Variants in EYS observed in about 807,000 individuals in gnomAD.
The protein encoded by EYS is EGF-like photoreceptor maintenance factor.
Under a neutral mutation model 282.1 loss-of-function variants are expected in EYS, and 250 were observed. The observed-to-expected ratio is 0.89, with a 90% confidence interval of 0.80 to 0.98. The LOEUF (loss-of-function observed/expected upper bound fraction) is 0.98. Ranked by LOEUF, EYS falls within the 50% of genes least tolerant of loss-of-function variation. The pLI is 0.00. For synonymous variants in EYS, 1,355 were observed against 1,282.9 expected (o/e 1.06, Z -1.20); for missense variants, 4,016 against 3,709.0 (o/e 1.08, Z -2.15).
At chr6:65,655,967 G>A (rs781716759) in intron 1 of EYS, among the ~76,000 whole-genome samples, 28 of 151,788 alleles carry the variant, frequency 1.8e-4, no homozygotes, top group Non-Finnish European at 3.2e-4. Context: ...TGCTCACTTC[G>A]TGTCTCTGCG....
chr6:65,298,859 G>A (rs1768737143), intron 11 of EYS, among the ~76,000 whole-genome samples: 1 of 149,688 alleles, frequency 6.7e-6, no homozygotes, highest in African/African-American at 2.5e-5. Flanking sequence ...GTTTTCAAAG[G>A]TTGCAAATAT....
In EYS at chr6:65,161,219, C is replaced by A. The variant is rs143110889; in HGVS notation, c.2024-103492G>T. On this transcript the variant is annotated intron_variant, in intron 12 of 42. Coordinates refer to ENST00000503581, the MANE Select transcript of EYS (RefSeq NM_001142800.2). ...TAATCTGTCTAAAGATATTGTTTTA[C>A]TGTCTAAATGTTTCCTGATCCATTT... 3.3e-5 allele frequency among the ~76,000 whole-genome samples: 5 copies of A among 151,104 alleles called. No homozygotes were observed. The East Asian group carries it at 9.8e-4, about 30-fold the overall frequency.
At chr6:63,812,301 T>TC (rs1288364677) in intron 36 of EYS, among the ~76,000 whole-genome samples, 1 of 152,162 alleles carries the variant, frequency 6.6e-6, no homozygotes, top group African/African-American at 2.4e-5. Context: ...AACCACATTT[T>TC]CCCCAAAAGC....
At chr6:65,120,332 C>G (rs1232247049) in intron 12 of EYS, among the ~76,000 whole-genome samples, 3 of 151,224 alleles carry the variant, frequency 2.0e-5, no homozygotes, top group Non-Finnish European at 2.9e-5. Context: ...AAATAGTTTT[C>G]TTCAGAAAAC....
chr6:65,015,326 C>T lies in EYS; in HGVS notation c.2138-17623G>A, dbSNP rs149177276. 3.0e-4 allele frequency among the ~76,000 whole-genome samples: 45 copies of T among 152,222 alleles called. No individual in the cohort carries two copies. In the East Asian group the frequency reaches 4.6e-3, roughly 16 times the overall value. On this transcript the variant is annotated intron_variant, in intron 13 of 42. Coordinates refer to ENST00000503581, the MANE Select transcript of EYS (RefSeq NM_001142800.2). ...TTAATATGTAATGTGTTAGTTATCA[C>T]GCTAATTTGTGATGAAAATTGGGAT...
intron 37 of EYS, among the ~76,000 whole-genome samples, chr6:63,805,314 A>T (rs976863498): frequency 6.6e-6 from 1 of 152,232 alleles, no homozygotes; most frequent in South Asian, 2.1e-4. Context: ...AATGTAAGTT[A>T]TAAGTTGATT....
intron 8 of EYS, among the ~76,000 whole-genome samples, chr6:65,383,911 T>C (rs1012990876): frequency 5.9e-5 from 9 of 152,020 alleles, no homozygotes; most frequent in Non-Finnish European, 1.2e-4. Flanking sequence ...TATCTGATAA[T>C]TTCTCTAATA....
chr6:64,815,167 ATAGAACTAAG>A (rs1448697102), intron 21 of EYS: 2 of 427,866 alleles, frequency 4.7e-6, no homozygotes, highest in Non-Finnish European at 9.4e-6. Context: ...CCTACAAGTG[ATAGAACTAAG>A]TATGTTTTTA....
At chr6:65,211,805 C>A (rs188533494) in intron 12 of EYS, among the ~76,000 whole-genome samples, 2 of 151,858 alleles carry the variant, frequency 1.3e-5, no homozygotes, top group Non-Finnish European at 2.9e-5. Flanking sequence ...CTCCAAGGTA[C>A]ACACACCAAA....
chr6:65,174,803 T>C (rs1027712653), intron 12 of EYS, among the ~76,000 whole-genome samples: 2 of 151,384 alleles, frequency 1.3e-5, no homozygotes, highest in South Asian at 4.1e-4. Context: ...GAAATTACAT[T>C]TGTATGTATT....
chr6:64,984,654 T>C (rs562835456), intron 14 of EYS, among the ~76,000 whole-genome samples: 1 of 151,578 alleles, frequency 6.6e-6, no homozygotes, highest in Admixed American at 6.6e-5. Flanking sequence ...GACGAGACTA[T>C]TTTAAATTGT....
chr6:64,212,300 A>G (rs1021221569), intron 31 of EYS, among the ~76,000 whole-genome samples: 2 of 152,074 alleles, frequency 1.3e-5, no homozygotes, highest in Non-Finnish European at 2.9e-5. Flanking sequence ...AGTCATGAAT[A>G]AAAGATAGAT....
In EYS at chr6:64,929,015, A is replaced by G. The variant is rs1276225074; in HGVS notation, c.2382-16272T>C. 2.0e-5 allele frequency among the ~76,000 whole-genome samples: 3 copies of G among 152,162 alleles called. No homozygotes were observed. The East Asian group carries it at 5.8e-4, about 29-fold the overall frequency. ...TCAGAAGGTGTTGGGGTTGAATTGT[A>G]TCTCCCCAAAAGACCTTGAGGTCCT... On this transcript the variant is annotated intron_variant, in intron 15 of 42. Coordinates refer to ENST00000503581, the MANE Select transcript of EYS (RefSeq NM_001142800.2).
At chr6:63,908,036 T>A (rs906814321) in intron 35 of EYS, among the ~76,000 whole-genome samples, 154 of 79,252 alleles carry the variant, frequency 1.9e-3, no homozygotes, top group Middle Eastern at 0.014. Context: ...ATATATACGT[T>A]TGTGTGTGTG....
At chr6:64,232,866 C>T (rs1766469329) in intron 30 of EYS, among the ~76,000 whole-genome samples, 1 of 152,162 alleles carries the variant, frequency 6.6e-6, no homozygotes, top group Non-Finnish European at 1.5e-5. Flanking sequence ...AATTAGCATA[C>T]ATCTTCCTAT....
At chr6:64,765,798 C>G (rs1450792399) in intron 22 of EYS, among the ~76,000 whole-genome samples, 2 of 152,048 alleles carry the variant, frequency 1.3e-5, no homozygotes, top group Non-Finnish European at 1.5e-5. Flanking sequence ...GAAATCTGCC[C>G]CCCATGATCC....
chr6:64,037,315 C>T (rs1582179727), intron 33 of EYS, among the ~76,000 whole-genome samples: 1 of 152,178 alleles, frequency 6.6e-6, no homozygotes, highest in African/African-American at 2.4e-5. Context: ...AAATAGCAAT[C>T]TGGGCTTTGT....
At chr6:65,069,036 G>A (rs546272694) in intron 12 of EYS, among the ~76,000 whole-genome samples, 36 of 151,838 alleles carry the variant, frequency 2.4e-4, no homozygotes, top group Non-Finnish European at 4.7e-4. Context: ...TTTAGGACTC[G>A]TAATCTTCAT....
At chr6:64,059,370 G>A (rs1771086892) in intron 33 of EYS, among the ~76,000 whole-genome samples, 2 of 152,176 alleles carry the variant, frequency 1.3e-5, no homozygotes, top group Admixed American at 6.5e-5. Flanking sequence ...ACAATTTGAA[G>A]TGAATTGCAC....
Sources: allele counts gnomAD v4.1 joint callset (sites outside exome capture counted in the v4.1 genomes callset), GRCh38; gene constraint gnomAD v4.1.1; transcripts MANE v1.5; gene names NCBI Gene and HGNC (gene_info 2026-07-23, HGNC 2026-07-21).